TMIGD3: variants seen among roughly 807,000 people sequenced by gnomAD.
TMIGD3 encodes transmembrane and immunoglobulin domain containing 3.
TMIGD3 carries 21 observed loss-of-function variants against 28.1 expected under a neutral mutation model. The observed-to-expected ratio is 0.75, with a 90% confidence interval of 0.53 to 1.08. The LOEUF is 1.08. TMIGD3 is among the 50% of genes least tolerant of loss of function. The pLI is 0.00. For synonymous variants in TMIGD3, 151 were observed against 162.1 expected, an observed-to-expected ratio of 0.93 and a Z score of 0.52; for missense variants, 416 against 435.6, an observed-to-expected ratio of 0.96 and a Z score of 0.40.
intron 1 of TMIGD3, among the ~76,000 whole-genome samples, chr1:111,518,957 GA>G (rs1351651858): frequency 6.6e-6 from 1 of 152,034 alleles, no homozygotes; most frequent in Non-Finnish European, 1.5e-5. Flanking sequence ...TTTGTTTTGT[GA>G]GACGGAATCT....
At chr1:111,517,116 T>A (rs1426480071) in intron 1 of TMIGD3, among the ~76,000 whole-genome samples, 1 of 152,018 alleles carries the variant, frequency 6.6e-6, no homozygotes, top group African/African-American at 2.4e-5. Context: ...TGCGCATGTG[T>A]ACACACACAC....
chr1:111,504,498 T>C (rs10776728), upstream of TMIGD3, among the ~76,000 whole-genome samples: 2 of 152,110 alleles, frequency 1.3e-5, no homozygotes, highest in East Asian at 3.9e-4. Context: ...TGCACGCCAT[T>C]GTTATTTGGG....
intron 1 of TMIGD3, among the ~76,000 whole-genome samples, chr1:111,563,023 T>G (rs74112344): frequency 0.054 from 8,229 of 152,236 alleles, 764 homozygotes; most frequent in African/African-American, 0.19. Context: ...TATTATAATG[T>G]CAATATTGTG....
chr1:111,499,183 C>T (rs1655033965), intron 1 of TMIGD3, among the ~76,000 whole-genome samples: 1 of 152,120 alleles, frequency 6.6e-6, no homozygotes, highest in Non-Finnish European at 1.5e-5. Context: ...CCTACCCCCA[C>T]TACTCCTATG....
chr1:111,545,360 T>G (rs1209968819), intron 1 of TMIGD3, among the ~76,000 whole-genome samples: 1 of 152,150 alleles, frequency 6.6e-6, no homozygotes, highest in African/African-American at 2.4e-5. Flanking sequence ...AATTTGCATT[T>G]GTGTAATGAC....
chr1:111,545,139 C>T (rs556211470), intron 1 of TMIGD3, among the ~76,000 whole-genome samples: 3 of 152,032 alleles, frequency 2.0e-5, no homozygotes, highest in African/African-American at 7.2e-5. Flanking sequence ...TGGGTATATA[C>T]CAAGAAGCAG....
At chr1:111,515,425 C>T (rs1372574864) in intron 1 of TMIGD3, among the ~76,000 whole-genome samples, 1 of 152,300 alleles carries the variant, frequency 6.6e-6, no homozygotes, top group East Asian at 1.9e-4. Flanking sequence ...AGGAAGGAGT[C>T]GCCGCTGAGA....
At chr1:111,492,640 C>T (rs1654719628) in intron 1 of TMIGD3, among the ~76,000 whole-genome samples, 1 of 151,804 alleles carries the variant, frequency 6.6e-6, no homozygotes, top group African/African-American at 2.4e-5. Context: ...ATGGTGAAAC[C>T]CCATCTCTAC....
At chr1:111,563,785 G>C (rs1356392886) in intron 1 of TMIGD3, 6 of 1,276,452 alleles carry the variant, frequency 4.7e-6, no homozygotes, top group Non-Finnish European at 6.8e-6. Flanking sequence ...AAAGTGGTCA[G>C]TATGCAGACT....
At chr1:111,527,747 C>T (rs1420004914) in intron 1 of TMIGD3, among the ~76,000 whole-genome samples, 2 of 152,314 alleles carry the variant, frequency 1.3e-5, no homozygotes, top group East Asian at 3.9e-4. Flanking sequence ...TTTCTAGTGA[C>T]ATATGAGATG....
upstream of TMIGD3, among the ~76,000 whole-genome samples, chr1:111,508,564 C>T (rs1655591316): frequency 1.3e-5 from 2 of 152,238 alleles, no homozygotes; most frequent in Non-Finnish European, 2.9e-5. Flanking sequence ...AGGTAGCCAA[C>T]TGCCTGAAGT....
intron 1 of TMIGD3, among the ~76,000 whole-genome samples, chr1:111,545,437 G>C (rs1397806398): frequency 6.6e-6 from 1 of 151,982 alleles, no homozygotes; most frequent in Admixed American, 6.6e-5. Flanking sequence ...AGAAATATCT[G>C]TTCGAGTCCT....
intron 1 of TMIGD3, among the ~76,000 whole-genome samples, chr1:111,515,303 G>C (rs1655822057): frequency 6.6e-6 from 1 of 152,158 alleles, no homozygotes; most frequent in South Asian, 2.1e-4. Context: ...TTTCACTGGG[G>C]TCGCTGAACC....
chr1:111,526,001 C>T (rs529598427), intron 1 of TMIGD3, among the ~76,000 whole-genome samples: 2 of 151,862 alleles, frequency 1.3e-5, no homozygotes, highest in South Asian at 2.1e-4. Context: ...GGATTTAAAT[C>T]TATCATCTGG....
intron 1 of TMIGD3, among the ~76,000 whole-genome samples, chr1:111,544,025 A>T (rs1182173420): frequency 6.6e-6 from 1 of 152,208 alleles, no homozygotes; most frequent in South Asian, 2.1e-4. Flanking sequence ...ATTGGAAGTC[A>T]TAGTTTCCAA....
chr1:111,489,005 T>G lies in TMIGD3; in HGVS notation c.477A>C (p.Glu159Asp), dbSNP rs1210259876. The change falls in exon 3 of 6, where the codon GAA (glutamate) becomes GAC (aspartate). Residue 159 changes from glutamate (E) to aspartate (D), a missense_variant. Coordinates refer to ENST00000369716, the MANE Select transcript of TMIGD3 (RefSeq NM_020683.7). ...CCAGCACAAAGCTTCTCTTGACCTT[T>G]TCATCCATGACCATGGCATCTGTGA... ...ALISDAMVMD[E>D]KVKRSFVLDT... The G allele has an allele frequency of 6.2e-7, 1 of 1,611,834 alleles. No homozygotes were observed. The highest frequency in any genetic ancestry group is 1.3e-5 in the African/African-American group (1 of 74,984).
chr1:111,484,914 T>C (rs1238553575), intron 5 of TMIGD3, among the ~76,000 whole-genome samples: 2 of 152,238 alleles, frequency 1.3e-5, no homozygotes, highest in Non-Finnish European at 2.9e-5. Flanking sequence ...TGCAATGTTC[T>C]TTCTGCTCTG....
intron 1 of TMIGD3, chr1:111,501,007 T>G (rs1234048153): frequency 5.3e-6 from 1 of 188,116 alleles, no homozygotes; most frequent in Non-Finnish European, 1.1e-5. Context: ...CTGTTCCCAA[T>G]AAGGTGTAAG....
At chr1:111,555,948 A>G (rs1205819959) in intron 1 of TMIGD3, among the ~76,000 whole-genome samples, 2 of 152,238 alleles carry the variant, frequency 1.3e-5, no homozygotes, top group Non-Finnish European at 2.9e-5. Flanking sequence ...TTTGTGCATC[A>G]AAGGACACTA....
Sources: allele counts gnomAD v4.1 joint callset (sites outside exome capture counted in the v4.1 genomes callset), GRCh38; gene constraint gnomAD v4.1.1; transcripts MANE v1.5; gene names NCBI Gene and HGNC (gene_info 2026-07-23, HGNC 2026-07-21).